The following GALNT18 variants were observed in gnomAD, a reference collection of about 807,000 sequenced individuals.
GALNT18 encodes polypeptide N-acetylgalactosaminyltransferase 18.
Under a neutral mutation model 69.5 loss-of-function variants are expected in GALNT18, and 44 were observed. The ratio of observed to expected loss-of-function variants is 0.63; its 90% CI spans 0.50 to 0.81. The LOEUF is 0.81. GALNT18 is among the 40% of genes least tolerant of loss of function. The probability of loss-of-function intolerance (pLI) is 0.00; values close to 1 mark genes in which losing one functional copy is unlikely to be tolerated. For synonymous variants in GALNT18, 364 were observed against 318.2 expected (o/e 1.14, Z -1.53); for missense variants, 715 against 810.0 (o/e 0.88, Z 1.42).
intron 9 of GALNT18, among the ~76,000 whole-genome samples, chr11:11,317,515 T>G (rs4910319): frequency 0.17 from 26,019 of 152,222 alleles, 2,705 homozygotes; most frequent in Admixed American, 0.32. Flanking sequence ...TTTCATTGTT[T>G]GTTGGCTGCT....
rs1023567281 is a variant in GALNT18 at position 11,564,265 on chromosome 11, G to T, written c.235+57094C>A. ...CTTCACCTGAAGGCTCATCTTAAGAGATATGCACCTGACTCTCTGTCAAGC... is the reference window on the plus strand; with the variant it reads ...CTTCACCTGAAGGCTCATCTTAAGATATATGCACCTGACTCTCTGTCAAGC... On this transcript the variant is annotated intron_variant, in intron 1 of 10. Coordinates refer to ENST00000227756, the MANE Select transcript of GALNT18 (RefSeq NM_198516.3). This position sits in a 1 kb window ranked among gnomAD's most constrained non-coding sequence, Gnocchi z 4.3. 1.3e-5 allele frequency among the ~76,000 whole-genome samples: 2 copies of T among 152,152 alleles called. No homozygotes were observed.
Position 11,320,598 on chromosome 11 carries a change from T to C in GALNT18, c.1512+6488A>G, listed in dbSNP as rs1590035574. Among the ~76,000 whole-genome samples, 1 of 152,352 alleles carries C rather than the reference T, an allele frequency of 6.6e-6. No individual in the cohort carries two copies. Among genetic ancestry groups the C allele is most frequent in the East Asian group, 1.9e-4 (1 of 5,192 alleles). On this transcript the variant is annotated intron_variant, in intron 9 of 10. Coordinates refer to ENST00000227756, the MANE Select transcript of GALNT18 (RefSeq NM_198516.3). This position sits in a 1 kb window ranked among gnomAD's most constrained non-coding sequence, Gnocchi z 4.9. Reference sequence around the variant, plus strand: ...GACTTCATTCTCAGGTAACACGTCCTAGAGTACCCCTTTTCTTACTCTTCC... The same window carrying C: ...GACTTCATTCTCAGGTAACACGTCCCAGAGTACCCCTTTTCTTACTCTTCC...
In GALNT18 at chr11:11,457,761, C is replaced by T. The variant is rs564621208; in HGVS notation, c.236-8825G>A. ...GAGCCTTCTTGTTTCTTGTGGTTTA[C>T]TCAGTTTACTGTGTCCCTCTCTCAG... On this transcript the variant is annotated intron_variant, in intron 1 of 10. Coordinates refer to ENST00000227756, the MANE Select transcript of GALNT18 (RefSeq NM_198516.3). Among the ~76,000 whole-genome samples, 20 of 152,164 alleles carry T rather than the reference C, an allele frequency of 1.3e-4. No homozygotes were observed. In the East Asian group the frequency reaches 3.3e-3, roughly 25 times the overall value.
intron 10 of GALNT18, among the ~76,000 whole-genome samples, chr11:11,281,582 A>T (rs1028948407): frequency 6.6e-6 from 1 of 152,120 alleles, no homozygotes. Flanking sequence ...CGCACAGAAG[A>T]CACCACAGCC....
At chr11:11,422,600 T>C (rs1268543773) in intron 3 of GALNT18, among the ~76,000 whole-genome samples, 2 of 151,944 alleles carry the variant, frequency 1.3e-5, no homozygotes, top group Non-Finnish European at 2.9e-5. Flanking sequence ...TGGACCATTC[T>C]TTTCCTCTGT....
intron 9 of GALNT18, among the ~76,000 whole-genome samples, chr11:11,323,501 G>A (rs950430599): frequency 6.6e-6 from 1 of 152,220 alleles, no homozygotes; most frequent in Non-Finnish European, 1.5e-5. Context: ...CTGCCCTCCA[G>A]GTCCACTGGG....
At chr11:11,292,106 C>G (rs536918406) in intron 10 of GALNT18, among the ~76,000 whole-genome samples, 25 of 152,278 alleles carry the variant, frequency 1.6e-4, no homozygotes, top group African/African-American at 5.8e-4. Flanking sequence ...TCCATGAATA[C>G]AGGTGTTCCC....
chr11:11,299,332 G>T (rs1319850788), intron 9 of GALNT18, among the ~76,000 whole-genome samples: 1 of 152,052 alleles, frequency 6.6e-6, no homozygotes, highest in African/African-American at 2.4e-5. Context: ...TTTTAGTAGG[G>T]ACAGGGTTTC....
rs369646194 is a variant in GALNT18 at position 11,416,270 on chromosome 11, T to C, written c.595+16351A>G. On this transcript the variant is annotated intron_variant, in intron 3 of 10. Transcript: ENST00000227756. ...TCGTCCCTGCATTGCTGGAATTTTC[T>C]GTTGTATCACTGAATGTCATTTGGT... 1.2e-4 allele frequency among the ~76,000 whole-genome samples: 18 copies of C among 152,332 alleles called. 1 individual carries two copies. In the East Asian group the frequency reaches 2.7e-3, roughly 23 times the overall value.
At chr11:11,277,097 T>C (rs1848965840) in intron 10 of GALNT18, among the ~76,000 whole-genome samples, 1 of 152,210 alleles carries the variant, frequency 6.6e-6, no homozygotes, top group African/African-American at 2.4e-5. Context: ...TACCAGCAAC[T>C]CTTTGTGCCT....
chr11:11,593,251 G>A (rs1193911131), intron 1 of GALNT18, among the ~76,000 whole-genome samples: 1 of 152,102 alleles, frequency 6.6e-6, no homozygotes, highest in Non-Finnish European at 1.5e-5. Flanking sequence ...TTATAACTGT[G>A]CCCTGTTCTA....
rs57579910 is a variant in GALNT18, at chr11:11,578,330, CA to C, written c.235+43028del. On this transcript the variant is annotated intron_variant, in intron 1 of 10. Transcript: ENST00000227756. ...AGGAGCCGAAAAACATAAAAAGAAC[CA>C]AAAAAAAAAAAAAAAAACTCAATAA... is the stretch of plus-strand genomic sequence containing the variant. Among the ~76,000 whole-genome samples the C allele has an allele frequency of 9.0e-4, 108 of 120,596 alleles. 2 individuals are homozygous for C. Among genetic ancestry groups the C allele is most frequent in the African/African-American group, 2.6e-3 (73 of 28,238 alleles). 79.1% of individuals were successfully genotyped at this position (120,596 alleles called of 152,430 possible). A position where few individuals can be genotyped will look rare whatever the true frequency, so the allele number is the denominator to read the frequency against.
Position 11,538,456 on chromosome 11 carries a change from C to T in GALNT18, c.235+82903G>A, listed in dbSNP as rs549048311. On this transcript the variant is annotated intron_variant, in intron 1 of 10. Transcript: ENST00000227756. The surrounding 1 kb of genome is among the most constrained non-coding windows in gnomAD (Gnocchi z 5.2). ...CCAACATGCTGGGCTGACTCCAGCTCCCAGAGGCCTGGGCCTGCAGGGTGG... is the reference window on the plus strand; with the variant it reads ...CCAACATGCTGGGCTGACTCCAGCTTCCAGAGGCCTGGGCCTGCAGGGTGG... 4.6e-5 allele frequency among the ~76,000 whole-genome samples: 7 copies of T among 152,342 alleles called. No homozygotes were observed. In the South Asian group the frequency reaches 1.4e-3, roughly 32 times the overall value.
intron 1 of GALNT18, among the ~76,000 whole-genome samples, chr11:11,531,526 C>T (rs1380850213): frequency 6.6e-6 from 1 of 152,248 alleles, no homozygotes; most frequent in Non-Finnish European, 1.5e-5. Context: ...GCCTATGCAG[C>T]ACCCAGCCTC....
At chr11:11,325,947 T>C (rs747703550) in intron 9 of GALNT18, among the ~76,000 whole-genome samples, 3 of 152,148 alleles carry the variant, frequency 2.0e-5, no homozygotes, top group African/African-American at 2.4e-5. Flanking sequence ...CACGTCATGA[T>C]GTCCTTCAGT....
At chr11:11,615,760 G>C (rs1444753463) in intron 1 of GALNT18, among the ~76,000 whole-genome samples, 3 of 152,052 alleles carry the variant, frequency 2.0e-5, no homozygotes, top group South Asian at 4.1e-4. Context: ...GGAGGGGAGG[G>C]AGCACCTACA....
chr11:11,491,304 A>T (rs1256574325), intron 1 of GALNT18, among the ~76,000 whole-genome samples: 2 of 152,244 alleles, frequency 1.3e-5, no homozygotes, highest in African/African-American at 4.8e-5. Context: ...ATATACTATC[A>T]TCCAAGAGCC....
chr11:11,467,404 G>C (rs905832438), intron 1 of GALNT18, among the ~76,000 whole-genome samples: 1 of 152,228 alleles, frequency 6.6e-6, no homozygotes, highest in African/African-American at 2.4e-5. Context: ...AGATGAGAGA[G>C]GTGATATGGC....
In GALNT18 at chr11:11,432,148, G is replaced by A. The variant is rs74807222; in HGVS notation, c.595+473C>T. ...AAGTCTGTTGCTGTCATTGAGTTAC[G>A]TGTCCACTGCCATCCCCATCATCAC... is the stretch of plus-strand genomic sequence containing the variant. On this transcript the variant is annotated intron_variant, in intron 3 of 10. Coordinates refer to ENST00000227756, the MANE Select transcript of GALNT18 (RefSeq NM_198516.3). This position sits in a 1 kb window ranked among gnomAD's most constrained non-coding sequence, Gnocchi z 5.8. 5.3e-3 allele frequency among the ~76,000 whole-genome samples: 809 copies of A among 152,222 alleles called. 12 individuals are homozygous for A. The highest frequency in any genetic ancestry group is 0.018 in the African/African-American group (747 of 41,526).
Sources: gnomAD v4.1 joint callset for allele counts (sites outside exome capture counted in the v4.1 genomes callset) on GRCh38, gnomAD v4.1.1 for gene constraint, Gnocchi (gnomAD v3.1) non-coding constraint, MANE v1.5 for transcripts, NCBI Gene and HGNC (gene_info 2026-07-23, HGNC 2026-07-21) for gene names.